Variants in TENM1 observed in about 807,000 individuals in gnomAD.
The protein encoded by TENM1 is teneurin transmembrane protein 1, also known as teneurin-1.
Under a neutral mutation model 174.8 loss-of-function variants are expected in TENM1, and 35 were observed. The ratio of observed to expected loss-of-function variants is 0.20; its 90% CI spans 0.15 to 0.27. TENM1 has a LOEUF of 0.27. TENM1 is among the 10% of genes least tolerant of loss of function. TENM1 has a pLI of 1.00. For missense variants in TENM1, 1,633 were observed against 2,130.1 expected, an observed-to-expected ratio of 0.77 and a Z score of 4.59; for synonymous variants, 781 against 798.7, an observed-to-expected ratio of 0.98 and a Z score of 0.37.
chrX:124,992,098 A>G, the TENM1 span, among the ~76,000 whole-genome samples: 1 of 111,222 alleles, frequency 9.0e-6, no homozygotes, highest in Non-Finnish European at 1.9e-5. Context: ...TTTACTGACT[A>G]CCAAAATACC....
In TENM1 at chrX:124,872,628, T is replaced by C. The variant is rs187064686; in HGVS notation, c.535+21668A>G. Among the ~76,000 whole-genome samples, 355 of 112,339 alleles carry C rather than the reference T, an allele frequency of 3.2e-3. 1 individual carries two copies. The highest frequency in any genetic ancestry group is 0.011 in the African/African-American group (331 of 30,995). ...TGTGTACACTGCTGAAATTGTTAAATGAAAAATACATGTTTTTGGTTTCAA... is the reference window on the plus strand; with the variant it reads ...TGTGTACACTGCTGAAATTGTTAAACGAAAAATACATGTTTTTGGTTTCAA... On this transcript the variant is annotated intron_variant, in intron 3 of 31. Transcript: ENST00000422452.
rs6649277 is a variant in TENM1 at position 124,656,856 on chromosome X, A to G, written c.1169-3073T>C. 8.6e-3 allele frequency among the ~76,000 whole-genome samples: 959 copies of G among 111,448 alleles called. 12 individuals carry two copies. Among genetic ancestry groups the G allele is most frequent in the African/African-American group, 0.029 (897 of 30,663 alleles). On this transcript the variant is annotated intron_variant, in intron 6 of 31. Coordinates refer to ENST00000422452, the Ensembl canonical transcript of TENM1. ...AGGCCAGGTGCGGTGGCTCATGCCT[A>G]TAATCCTAGCACTTCGGGAGGCCAA...
At chrX:124,881,282 T>A (rs1312548427) in intron 3 of TENM1, among the ~76,000 whole-genome samples, 1 of 112,001 alleles carries the variant, frequency 8.9e-6, no homozygotes, top group African/African-American at 3.2e-5. Flanking sequence ...CAGGAATTTA[T>A]CCATTTCCTC....
Position 124,389,065 on chromosome X carries a change from T to C in TENM1, c.5688+2987A>G, listed in dbSNP as rs553987044. Among the ~76,000 whole-genome samples, 9 of 111,878 alleles carry C rather than the reference T, an allele frequency of 8.0e-5. No homozygotes were observed. The South Asian group carries it at 1.9e-3, about 23-fold the overall frequency. On this transcript the variant is annotated intron_variant, in intron 28 of 31. Coordinates refer to ENST00000422452, the Ensembl canonical transcript of TENM1. ...TCAAGACAGAGAATTAATGACCACA[T>C]AGAGAAAATTTAAGAAACAATAATT...
At chrX:124,927,283 T>C (rs1034498044) in intron 1 of TENM1, among the ~76,000 whole-genome samples, 2 of 111,706 alleles carry the variant, frequency 1.8e-5, no homozygotes, top group African/African-American at 6.5e-5. Flanking sequence ...CAGGACCTAT[T>C]GAAGACTTCC....
intron 3 of TENM1, among the ~76,000 whole-genome samples, chrX:124,784,323 G>A (rs1357037185): frequency 9.0e-6 from 1 of 110,678 alleles, no homozygotes; most frequent in African/African-American, 3.3e-5. Context: ...TAGGCCCACA[G>A]TAAACAGAAA....
intron 3 of TENM1, among the ~76,000 whole-genome samples, chrX:124,779,057 A>ACT (rs1182895840): frequency 9.0e-6 from 1 of 111,704 alleles, no homozygotes; most frequent in Non-Finnish European, 1.9e-5. Context: ...ATCGTAGAGG[A>ACT]TAATGAAAAT....
chrX:124,930,061 T>TGC (rs1237619794), intron 1 of TENM1, among the ~76,000 whole-genome samples: 1 of 109,578 alleles, frequency 9.1e-6, no homozygotes, highest in Non-Finnish European at 1.9e-5. Flanking sequence ...TCCCAGACTC[T>TGC]GCCGTACTCT....
chrX:125,046,150 T>C, the TENM1 span, among the ~76,000 whole-genome samples: 64 of 112,255 alleles, frequency 5.7e-4, 1 homozygote, highest in East Asian at 0.015. Flanking sequence ...GTTCACTTTT[T>C]ACATATGTAT....
At chrX:124,472,343 A>C (rs1295893594) in intron 22 of TENM1, among the ~76,000 whole-genome samples, 2 of 102,550 alleles carry the variant, frequency 2.0e-5, no homozygotes, top group Non-Finnish European at 3.9e-5. Context: ...AAAAAAAAAA[A>C]AAAAAAAAAA....
intron 22 of TENM1, among the ~76,000 whole-genome samples, chrX:124,475,257 C>T (rs183561909): frequency 3.0e-4 from 33 of 111,554 alleles, no homozygotes; most frequent in Non-Finnish European, 3.4e-4. Context: ...TACAAATAAT[C>T]GCTTCAGTCT....
At chrX:124,772,139 C>CT (rs749191893) in intron 3 of TENM1, among the ~76,000 whole-genome samples, 5,022 of 105,566 alleles carry the variant, frequency 0.048, 205 homozygotes, top group African/African-American at 0.12. Flanking sequence ...TATATTCTTT[C>CT]TTTTTTTTTT....
chrX:125,056,258 G>T, the TENM1 span, among the ~76,000 whole-genome samples: 1 of 111,291 alleles, frequency 9.0e-6, no homozygotes, highest in Non-Finnish European at 1.9e-5. Context: ...TTGAATGTTA[G>T]GCTATAATAA....
At chrX:124,833,895 T>C (rs943485346) in intron 3 of TENM1, among the ~76,000 whole-genome samples, 5 of 110,906 alleles carry the variant, frequency 4.5e-5, no homozygotes, top group South Asian at 3.9e-4. Flanking sequence ...CACATCACTG[T>C]AGCCTCAAGG....
chrX:124,963,068 T>G (rs886614910), intron 1 of TENM1, among the ~76,000 whole-genome samples: 18 of 111,832 alleles, frequency 1.6e-4, no homozygotes, highest in African/African-American at 5.5e-4. Context: ...AATTCTTACT[T>G]TCCTTTCAGA....
At chrX:125,200,511 C>A in the TENM1 span, among the ~76,000 whole-genome samples, 1 of 110,381 alleles carries the variant, frequency 9.1e-6, no homozygotes, top group Non-Finnish European at 1.9e-5. Context: ...TTTTTAAGTA[C>A]GCATGGATTA....
intron 23 of TENM1, among the ~76,000 whole-genome samples, chrX:124,428,712 G>A (rs2060745199): frequency 9.8e-6 from 1 of 101,709 alleles, no homozygotes; most frequent in African/African-American, 3.4e-5. Context: ...GATAGCAAGT[G>A]GTATTAATAG....
At chrX:124,769,682 C>T (rs1182225941) in intron 3 of TENM1, among the ~76,000 whole-genome samples, 3 of 111,676 alleles carry the variant, frequency 2.7e-5, no homozygotes, top group South Asian at 3.7e-4. Flanking sequence ...GAAGATTTTG[C>T]GTAAAGTTAA....
At chrX:124,581,028 A>C (rs1031921740) in intron 11 of TENM1, among the ~76,000 whole-genome samples, 1 of 105,392 alleles carries the variant, frequency 9.5e-6, no homozygotes, top group Admixed American at 1.0e-4. Context: ...CTCCAGTTCC[A>C]TCCGTGTGGC....
Sources: allele counts gnomAD v4.1 joint callset (sites outside exome capture counted in the v4.1 genomes callset), GRCh38; gene constraint gnomAD v4.1.1; transcripts MANE v1.5; gene names NCBI Gene and HGNC (gene_info 2026-07-23, HGNC 2026-07-21).